The following DEFB1 variants were observed in gnomAD, a reference collection of about 807,000 sequenced individuals.
The protein encoded by DEFB1 is beta-defensin 1.
A neutral mutation model predicts 2.6 loss-of-function variants in DEFB1; 4 were observed. The ratio of observed to expected loss-of-function variants is 1.53; its 90% confidence interval spans 0.76 to 3.51. The LOEUF is 3.51. Among genes scored for constraint, DEFB1 ranks in the 30% most tolerant of loss-of-function variants. The pLI, the probability that DEFB1 is intolerant of heterozygous loss-of-function variation, is 0.01. For synonymous variants in DEFB1, 56 were observed against 28.5 expected (o/e 1.96, Z -3.07); for missense variants, 162 against 76.9 (o/e 2.11, Z -4.14).
In DEFB1 at chr8:6,877,897, G is replaced by A. The variant is rs1806594731; in HGVS notation, c.-40C>T. The A allele has an allele frequency of 6.3e-7, 1 of 1,599,794 alleles. No individual in the cohort carries two copies. Among genetic ancestry groups the A allele is most frequent in the African/African-American group, 1.3e-5 (1 of 74,744 alleles). On this transcript the variant is annotated 5_prime_UTR_variant, in exon 1 of 2. Coordinates refer to ENST00000297439, the MANE Select transcript of DEFB1 (RefSeq NM_005218.4). ...AACACCCAGGATTTCAGGAACTGGG[G>A]AGACGCTGGCTCCTTTGGAGGCTGA...
chr8:6,874,535 G>C (rs5743465), intron 1 of DEFB1, among the ~76,000 whole-genome samples: 124,966 of 151,848 alleles, frequency 0.82, 51,612 homozygotes, highest in Middle Eastern at 0.89. Flanking sequence ...AGTGTAGAGC[G>C]TCTGTAATTA....
chr8:6,874,060 T>C (rs892945758), intron 1 of DEFB1, among the ~76,000 whole-genome samples: 1 of 152,146 alleles, frequency 6.6e-6, no homozygotes, highest in African/African-American at 2.4e-5. Flanking sequence ...CTGAAGGTTT[T>C]TGTTTTCCAA....
At chr8:6,871,946 C>T (rs1281598986) in intron 1 of DEFB1, among the ~76,000 whole-genome samples, 1 of 152,186 alleles carries the variant, frequency 6.6e-6, no homozygotes, top group Non-Finnish European at 1.5e-5. Flanking sequence ...GCCATCGCTA[C>T]CCTAGGAGAC....
intron 1 of DEFB1, among the ~76,000 whole-genome samples, chr8:6,874,779 T>G (rs912472617): frequency 2.0e-5 from 3 of 152,186 alleles, no homozygotes; most frequent in Middle Eastern, 3.4e-3. Context: ...GTCAGGTATT[T>G]GAGACCAGCC....
intron 1 of DEFB1, among the ~76,000 whole-genome samples, chr8:6,873,505 C>T (rs778924758): frequency 1.2e-4 from 18 of 152,130 alleles, no homozygotes; most frequent in South Asian, 2.1e-4. Flanking sequence ...AAATTTAAAA[C>T]GGAGGAGACT....
chr8:6,877,760 C>T, intron 1 of DEFB1, 37 bp downstream of exon 1: 2 of 1,587,730 alleles, frequency 1.3e-6, no homozygotes, highest in Non-Finnish European at 1.7e-6. Flanking sequence ...GTCCCCAGCC[C>T]TGGGGATGGG....
In DEFB1 at chr8:6,870,715, G is replaced by C. The variant is rs55874920; in HGVS notation, c.173C>G (p.Thr58Ser). ...ACPIFTKIQG[T>S]CYRGKAKCCK ...GCACTTGGCCTTCCCTCTGTAACAG[G>C]TGCCTTGAATTTTGGTAAAGATCGG... Residue 58 changes from threonine (T) to serine (S), a missense_variant, in exon 2 of 2, where the codon ACC (threonine) becomes AGC (serine). By Grantham distance (58) the Thr-to-Ser change is moderately conservative (BLOSUM62 1). Coordinates refer to ENST00000297439, the MANE Select transcript of DEFB1 (RefSeq NM_005218.4). 1.9e-6 allele frequency: 3 copies of C among 1,614,158 alleles called. No individual in the cohort carries two copies. Among genetic ancestry groups the C allele is most frequent in the South Asian group, 1.1e-5 (1 of 91,074 alleles).
At chr8:6,873,885 C>G (rs1806418470) in intron 1 of DEFB1, among the ~76,000 whole-genome samples, 1 of 152,184 alleles carries the variant, frequency 6.6e-6, no homozygotes, top group African/African-American at 2.4e-5. Context: ...ATTGAGGTTC[C>G]TTCCTGTTGG....
chr8:6,876,676 G>A (rs550215173), intron 1 of DEFB1, among the ~76,000 whole-genome samples: 1 of 151,842 alleles, frequency 6.6e-6, no homozygotes, highest in South Asian at 2.1e-4. Context: ...GGTGGTGCAT[G>A]CCTGTAGTCA....
At chr8:6,872,835 G>A (rs1025209953) in intron 1 of DEFB1, among the ~76,000 whole-genome samples, 6 of 152,120 alleles carry the variant, frequency 3.9e-5, no homozygotes, top group Non-Finnish European at 8.8e-5. Flanking sequence ...GCTAGACTCT[G>A]CCAAAGTCTC....
rs1164929133 is a variant in DEFB1 at position 6,870,783 on chromosome 8, G to C, written c.105C>G (p.Tyr35Ter). ...LTGLGHRSDHYNCVSSGGQCL... is the reference protein window; with the variant it reads ...LTGLGHRSDH ...ATTGCCCTCCACTGCTGACGCAATT[G>C]TAATGATCAGATCTGTGGCCAAGGC... The change falls in exon 2 of 2, where the codon TAC becomes TAG. Residue 35 changes from tyrosine (Y) to a stop codon, truncating the protein, a stop_gained. Transcript: ENST00000297439. LOFTEE classifies it low-confidence loss of function (END_TRUNC). 1.9e-6 allele frequency: 3 copies of C among 1,614,220 alleles called. No homozygotes were observed. Among genetic ancestry groups the C allele is most frequent in the Non-Finnish European group, 1.7e-6 (2 of 1,180,046 alleles).
At chr8:6,872,790 C>G (rs901782266) in intron 1 of DEFB1, among the ~76,000 whole-genome samples, 1 of 152,124 alleles carries the variant, frequency 6.6e-6, no homozygotes, top group Non-Finnish European at 1.5e-5. Flanking sequence ...TTAATAATCT[C>G]GCCATAATGT....
At chr8:6,874,207 G>A (rs948518654) in intron 1 of DEFB1, among the ~76,000 whole-genome samples, 2 of 151,804 alleles carry the variant, frequency 1.3e-5, no homozygotes, top group Non-Finnish European at 2.9e-5. Flanking sequence ...AGAATTACTA[G>A]GTCAAGATTT....
At chr8:6,871,231 C>A (rs547564067) in intron 1 of DEFB1, among the ~76,000 whole-genome samples, 1 of 152,356 alleles carries the variant, frequency 6.6e-6, no homozygotes, top group South Asian at 2.1e-4. Context: ...TTCCCTCCTT[C>A]CATGCCTTCA....
intron 1 of DEFB1, among the ~76,000 whole-genome samples, chr8:6,871,847 G>A (rs1333637115): frequency 6.6e-6 from 1 of 152,176 alleles, no homozygotes. Flanking sequence ...GGACTGCGAG[G>A]AAATAAATTT....
intron 1 of DEFB1, among the ~76,000 whole-genome samples, chr8:6,876,031 A>G (rs1328267398): frequency 6.6e-6 from 1 of 152,168 alleles, no homozygotes; most frequent in African/African-American, 2.4e-5. Context: ...TGCCTTTCAA[A>G]CCCTTTTGAG....
intron 1 of DEFB1, among the ~76,000 whole-genome samples, chr8:6,877,398 C>A (rs1407045617): frequency 1.3e-5 from 2 of 152,226 alleles, no homozygotes; most frequent in African/African-American, 4.8e-5. Context: ...TACCAGGGCA[C>A]CCCAGGAGGC....
At chr8:6,875,665 G>A (rs1806500008) in intron 1 of DEFB1, among the ~76,000 whole-genome samples, 1 of 152,132 alleles carries the variant, frequency 6.6e-6, no homozygotes, top group African/African-American at 2.4e-5. Context: ...ACTGCTTGTG[G>A]GAGTGCAAGT....
rs112231119 is a variant in DEFB1 at position 6,870,848 on chromosome 8, A to G, written c.62-22T>C. ...CCACCTGTAAGGAGGGAACACAAACACTTCAGACTCATGGCTTGTAGCTGC... is the reference window on the plus strand; with the variant it reads ...CCACCTGTAAGGAGGGAACACAAACGCTTCAGACTCATGGCTTGTAGCTGC... On this transcript the variant is annotated intron_variant, in intron 1 of 1. Coordinates refer to ENST00000297439, the MANE Select transcript of DEFB1 (RefSeq NM_005218.4). The G allele has an allele frequency of 6.9e-6, 11 of 1,588,942 alleles. No homozygotes were observed. The African/African-American group carries it at 8.1e-5, about 12-fold the overall frequency.
Sources: gnomAD v4.1 joint callset for allele counts (sites outside exome capture counted in the v4.1 genomes callset) on GRCh38, gnomAD v4.1.1 for gene constraint, MANE v1.5 for transcripts, NCBI Gene and HGNC (gene_info 2026-07-23, HGNC 2026-07-21) for gene names.